Variants in BICC1 observed in about 807,000 individuals in gnomAD.
BICC1 encodes protein bicaudal C homolog 1.
BICC1 carries 43 observed loss-of-function variants against 111.0 expected under a neutral mutation model. The observed-to-expected ratio is 0.39, with a 90% CI of 0.30 to 0.50. BICC1 has a LOEUF of 0.50. Among genes scored for constraint, BICC1 ranks in the 20% least tolerant of loss-of-function variants. The pLI is 0.88. For synonymous variants in BICC1, 467 were observed against 434.4 expected, an observed-to-expected ratio of 1.07 and a Z score of -0.93; for missense variants, 1,091 against 1,203.2, an observed-to-expected ratio of 0.91 and a Z score of 1.38.
intron 1 of BICC1, among the ~76,000 whole-genome samples, chr10:58,541,404 T>C (rs1842977293): frequency 6.6e-6 from 1 of 152,072 alleles, no homozygotes; most frequent in African/African-American, 2.4e-5. Context: ...ATTTCTATAC[T>C]CAGCAATGAC....
chr10:58,679,858 C>T (rs1839461617), intron 2 of BICC1, among the ~76,000 whole-genome samples: 1 of 152,124 alleles, frequency 6.6e-6, no homozygotes, highest in South Asian at 2.1e-4. Flanking sequence ...TGGCTTTATC[C>T]CTGGGATGCG....
At chr10:58,523,789 G>A (rs1231726597) in intron 1 of BICC1, among the ~76,000 whole-genome samples, 1 of 152,110 alleles carries the variant, frequency 6.6e-6, no homozygotes, top group African/African-American at 2.4e-5. Flanking sequence ...TGACATGATT[G>A]TATATCTAGA....
chr10:58,561,814 C>T (rs1295717456), intron 1 of BICC1, among the ~76,000 whole-genome samples: 1 of 152,056 alleles, frequency 6.6e-6, no homozygotes, highest in African/African-American at 2.4e-5. Flanking sequence ...TAAGGTTGCT[C>T]TAGTGGTAAT....
At chr10:58,634,344 A>G (rs1837889838) in intron 2 of BICC1, among the ~76,000 whole-genome samples, 1 of 152,028 alleles carries the variant, frequency 6.6e-6, no homozygotes, top group African/African-American at 2.4e-5. Flanking sequence ...TCCTGTTCCC[A>G]TTTCTCCAGT....
intron 1 of BICC1, among the ~76,000 whole-genome samples, chr10:58,536,348 T>G (rs2131869176): frequency 6.6e-6 from 1 of 151,828 alleles, no homozygotes; most frequent in South Asian, 2.1e-4. Context: ...CTCAATAAAT[T>G]TTTTAAAAAT....
chr10:58,535,168 G>C lies in BICC1; in HGVS notation c.190+21835G>C, dbSNP rs558134835. Among the ~76,000 whole-genome samples the C allele has an allele frequency of 2.6e-5, 4 of 151,678 alleles. No individual in the cohort carries two copies. In the South Asian group the frequency reaches 8.3e-4, roughly 31 times the overall value. ...AAAAATTTGGAAAACCTATTTGAGG[G>C]AATAATTGAGGAAAACTTCCCTGTC... On this transcript the variant is annotated intron_variant, in intron 1 of 20. Coordinates refer to ENST00000373886, the MANE Select transcript of BICC1 (RefSeq NM_001080512.3).
rs1301101091 is a variant in BICC1, at chr10:58,549,278, G to T, written c.190+35945G>T. 3.9e-5 allele frequency among the ~76,000 whole-genome samples: 6 copies of T among 152,204 alleles called. No homozygotes were observed. In the East Asian group the frequency reaches 9.6e-4, roughly 24 times the overall value. ...GACTTCTATAAACATTCTCATGCAG[G>T]TGTTTATGTTGACATAAAATTTCAA... On this transcript the variant is annotated intron_variant, in intron 1 of 20. Coordinates refer to ENST00000373886, the MANE Select transcript of BICC1 (RefSeq NM_001080512.3).
chr10:58,591,647 C>A (rs1844622682), intron 1 of BICC1, among the ~76,000 whole-genome samples: 1 of 152,178 alleles, frequency 6.6e-6, no homozygotes, highest in African/African-American at 2.4e-5. Context: ...GGCATTCAGA[C>A]CACAGTGGAA....
intron 2 of BICC1, among the ~76,000 whole-genome samples, chr10:58,632,031 GGGAA>G (rs1283635204): frequency 6.6e-6 from 1 of 152,108 alleles, no homozygotes; most frequent in African/African-American, 2.4e-5. Flanking sequence ...ATGTTGAGAG[GGGAA>G]GGTATTAACA....
intron 18 of BICC1, among the ~76,000 whole-genome samples, chr10:58,816,153 A>G (rs903798668): frequency 6.6e-6 from 1 of 152,166 alleles, no homozygotes; most frequent in Non-Finnish European, 1.5e-5. Flanking sequence ...ACCATAAATT[A>G]TATGGGCAGC....
intron 2 of BICC1, among the ~76,000 whole-genome samples, chr10:58,637,401 T>C (rs1287782008): frequency 1.3e-5 from 2 of 152,190 alleles, no homozygotes. Flanking sequence ...TGCAAAAATA[T>C]TTGTTTTGCT....
At chr10:58,526,584 C>T (rs1404113175) in intron 1 of BICC1, among the ~76,000 whole-genome samples, 1 of 150,042 alleles carries the variant, frequency 6.7e-6, no homozygotes, top group African/African-American at 2.4e-5. Context: ...CCTGCTCCCC[C>T]CACCCCACGA....
At chr10:58,682,787 T>C (rs574914544) in intron 2 of BICC1, among the ~76,000 whole-genome samples, 229 of 152,376 alleles carry the variant, frequency 1.5e-3, no homozygotes, top group Non-Finnish European at 2.6e-3. Flanking sequence ...ATTAGCCCTT[T>C]GTCAGATAGG....
At chr10:58,535,767 A>G (rs1732671459) in intron 1 of BICC1, among the ~76,000 whole-genome samples, 1 of 151,752 alleles carries the variant, frequency 6.6e-6, no homozygotes, top group Non-Finnish European at 1.5e-5. Context: ...GTGCTCCATT[A>G]AAAGATACAG....
At chr10:58,802,985 G>T in intron 14 of BICC1, 92 bp from the exon 15 acceptor site, 2 of 1,243,876 alleles carry the variant, frequency 1.6e-6, no homozygotes, top group Middle Eastern at 2.8e-4. Flanking sequence ...AGCTGATGAT[G>T]ATAAACATGC....
intron 1 of BICC1, among the ~76,000 whole-genome samples, chr10:58,543,480 A>C (rs943696703): frequency 3.9e-5 from 6 of 152,070 alleles, no homozygotes; most frequent in Non-Finnish European, 8.8e-5. Context: ...GTACACTGAA[A>C]AATGGTTAAA....
chr10:58,727,573 C>G (rs1841147454), intron 3 of BICC1, among the ~76,000 whole-genome samples: 1 of 148,606 alleles, frequency 6.7e-6, no homozygotes, highest in African/African-American at 2.5e-5. Flanking sequence ...GGTAACAGAG[C>G]AAGATGCTGT....
intron 2 of BICC1, among the ~76,000 whole-genome samples, chr10:58,701,455 C>G (rs1291084592): frequency 6.6e-6 from 1 of 152,086 alleles, no homozygotes; most frequent in Non-Finnish European, 1.5e-5. Flanking sequence ...GTCTTGAGAC[C>G]TCCTAGACAG....
intron 17 of BICC1, among the ~76,000 whole-genome samples, chr10:58,812,256 A>G (rs930877106): frequency 1.3e-5 from 2 of 152,018 alleles, no homozygotes; most frequent in African/African-American, 4.8e-5. Flanking sequence ...TGAGGGAAGG[A>G]GGAACCAAGG....
Sources: gnomAD v4.1 joint callset for allele counts (sites outside exome capture counted in the v4.1 genomes callset) on GRCh38, gnomAD v4.1.1 for gene constraint, MANE v1.5 for transcripts, NCBI Gene and HGNC (gene_info 2026-07-23, HGNC 2026-07-21) for gene names.